BMP8A: variants seen among roughly 807,000 people sequenced by gnomAD.
BMP8A encodes the protein bone morphogenetic protein 8a.
BMP8A carries 14 observed loss-of-function variants against 36.8 expected under a neutral mutation model. The ratio of observed to expected loss-of-function variants is 0.38; its 90% CI spans 0.25 to 0.60. BMP8A has a LOEUF of 0.60. BMP8A is among the 20% of genes least tolerant of loss of function. BMP8A has a pLI of 0.63. For missense variants in BMP8A, 267 were observed against 551.1 expected, an observed-to-expected ratio of 0.48 and a Z score of 5.16; for synonymous variants, 120 against 237.7, an observed-to-expected ratio of 0.50 and a Z score of 4.55.
chr1:39,509,885 G>C (rs1557690252), intron 1 of BMP8A, among the ~76,000 whole-genome samples: 1 of 152,238 alleles, frequency 6.6e-6, no homozygotes, highest in South Asian at 2.1e-4. Context: ...TGAAAGGGAC[G>C]GGAGGCTAAA....
rs569070606 is a variant in BMP8A, at chr1:39,529,506, C to A, written c.*3708C>A. ...CCCTCATGGGCAGCTGAAGGGGGAG[C>A]TTTCTACCCCAGGTTCCTTTCCTTA... On this transcript the variant is annotated 3_prime_UTR_variant, in exon 7 of 7. Coordinates refer to ENST00000331593, the MANE Select transcript of BMP8A (RefSeq NM_181809.4). 1.3e-5 allele frequency among the ~76,000 whole-genome samples: 2 copies of A among 152,342 alleles called. No homozygotes were observed. The highest frequency in any genetic ancestry group is 4.8e-5 in the African/African-American group (2 of 41,586).
intron 1 of BMP8A, among the ~76,000 whole-genome samples, chr1:39,509,569 C>G (rs941280): frequency 0.82 from 124,545 of 152,090 alleles, 51,193 homozygotes; most frequent in East Asian, 0.99. Flanking sequence ...TCCGCCCTGG[C>G]CTGGGATGAG....
chr1:39,524,784 G>A lies in BMP8A; in HGVS notation c.1060-865G>A, dbSNP rs61249850. On this transcript the variant is annotated intron_variant, in intron 6 of 6. Transcript: ENST00000331593. This position sits in a 1 kb window ranked among gnomAD's most constrained non-coding sequence, Gnocchi z 4.0. ...TTCTGGCTTGGGGAGGCTGATGGTC[G>A]CGGGAGTGGAAGGCAGAGGAGCAGG... 0.099 allele frequency: 15,101 copies of A among 152,616 alleles called. 880 individuals carry two copies. The highest frequency in any genetic ancestry group is 0.16 in the African/African-American group (6,444 of 41,484). 9.5% of individuals were successfully genotyped at this position (152,616 alleles called of 1,614,324 possible). A position where few individuals can be genotyped will look rare whatever the true frequency, so the allele number is the denominator to read the frequency against.
intron 1 of BMP8A, among the ~76,000 whole-genome samples, chr1:39,505,100 T>C (rs1266054368): frequency 1.3e-5 from 2 of 152,178 alleles, no homozygotes; most frequent in Non-Finnish European, 1.5e-5. Context: ...GACAGATGCC[T>C]TCCTCTTATC....
At chr1:39,501,387 G>A (rs1375031893) in intron 1 of BMP8A, among the ~76,000 whole-genome samples, 3 of 151,976 alleles carry the variant, frequency 2.0e-5, no homozygotes, top group Admixed American at 6.6e-5. Flanking sequence ...CTTTTTTTGA[G>A]ACGGAGTCTC....
chr1:39,522,594 T>C, intron 5 of BMP8A, 112 bp downstream of exon 5: 1 of 1,303,196 alleles, frequency 7.7e-7, no homozygotes, highest in East Asian at 2.5e-5. Flanking sequence ...TATGTATTTT[T>C]TTCTTCTGTG....
At position 39,499,996 on chromosome 1, in the gene BMP8A, T is replaced by C. The variant is rs1340345145; in HGVS notation, c.334+7671T>C. The stretch of plus-strand genomic sequence containing the variant: ...TTCTTCCCAAGTCACAGGGCTTCTT[T>C]GAATCACTGTGCTGAGTTCTTGGAG... On this transcript the variant is annotated intron_variant, in intron 1 of 6. Coordinates refer to ENST00000331593, the MANE Select transcript of BMP8A (RefSeq NM_181809.4). Among the ~76,000 whole-genome samples, 4 of 152,354 alleles carry C rather than the reference T, an allele frequency of 2.6e-5. No individual in the cohort carries two copies. The East Asian group carries it at 7.7e-4, about 29-fold the overall frequency.
chr1:39,505,153 C>T (rs895844556), intron 1 of BMP8A, among the ~76,000 whole-genome samples: 4 of 152,190 alleles, frequency 2.6e-5, no homozygotes, highest in Non-Finnish European at 4.4e-5. Flanking sequence ...TCCTCCTCAG[C>T]ACAGACCCTT....
At chr1:39,496,042 G>A (rs1475434913) in intron 1 of BMP8A, among the ~76,000 whole-genome samples, 2 of 152,076 alleles carry the variant, frequency 1.3e-5, no homozygotes, top group East Asian at 1.9e-4. Context: ...GTGGGAATTC[G>A]GGACCTGGCC....
intron 1 of BMP8A, among the ~76,000 whole-genome samples, chr1:39,492,808 G>A (rs1645172916): frequency 6.6e-6 from 1 of 152,224 alleles, no homozygotes; most frequent in African/African-American, 2.4e-5. Context: ...CCTGTGCGGA[G>A]CCTGGGTGGG....
chr1:39,510,901 G>C (rs1389213386), intron 1 of BMP8A, among the ~76,000 whole-genome samples: 1 of 152,194 alleles, frequency 6.6e-6, no homozygotes, highest in South Asian at 2.1e-4. Flanking sequence ...GGGCGCAACG[G>C]GAGTTCAGGA....
Position 39,491,785 on chromosome 1 carries a change from TGCGTCCGCGTCA to T in BMP8A, c.-198_-187del, listed in dbSNP as rs1340995702. 7 of 245,236 alleles carry T rather than the reference TGCGTCCGCGTCA, an allele frequency of 2.9e-5. No individual in the cohort carries two copies. The highest frequency in any genetic ancestry group is 4.7e-5 in the Non-Finnish European group (7 of 147,616). The allele number at this position is 245,236 out of a possible 1,614,324, so 15.2% of individuals were successfully genotyped here. A position where few individuals can be genotyped will look rare whatever the true frequency, so the allele number is the denominator to read the frequency against. On this transcript the variant is annotated 5_prime_UTR_variant, in exon 1 of 7. Transcript: ENST00000331593. ...GCCCCGGCCTCGAAGCGTTGGCGTC[TGCGTCCGCGTCA>T]GCGTCCGCTTGTCCCGGAGCCGGGG...
At chr1:39,522,956 G>C in intron 5 of BMP8A, 51 bp from the exon 6 acceptor site, 1 of 1,499,564 alleles carries the variant, frequency 6.7e-7, no homozygotes, top group Non-Finnish European at 9.1e-7. Context: ...TGGGCCCTGA[G>C]GCTCAGGGAG....
chr1:39,510,203 A>C (rs1231588218), intron 1 of BMP8A, among the ~76,000 whole-genome samples: 1 of 127,336 alleles, frequency 7.9e-6, no homozygotes, highest in Non-Finnish European at 1.7e-5. Flanking sequence ...AGCAGAGCTC[A>C]TGTGCCGTCC....
In BMP8A at chr1:39,526,492, C is replaced by A. The variant is rs1045617057; in HGVS notation, c.*694C>A. On this transcript the variant is annotated 3_prime_UTR_variant, in exon 7 of 7. Coordinates refer to ENST00000331593, the MANE Select transcript of BMP8A (RefSeq NM_181809.4). Reference sequence around the variant, plus strand: ...TAGCTGGGATTACAGGGGCCCACCACCACGCCCAGCTCATTCTTGTATTTT... The same window carrying A: ...TAGCTGGGATTACAGGGGCCCACCAACACGCCCAGCTCATTCTTGTATTTT... Among the ~76,000 whole-genome samples the A allele has an allele frequency of 6.6e-6, 1 of 152,152 alleles. No individual in the cohort carries two copies. Among genetic ancestry groups the A allele is most frequent in the Non-Finnish European group, 1.5e-5 (1 of 68,026 alleles).
At chr1:39,500,381 G>A (rs1645242856) in intron 1 of BMP8A, among the ~76,000 whole-genome samples, 1 of 152,202 alleles carries the variant, frequency 6.6e-6, no homozygotes, top group African/African-American at 2.4e-5. Context: ...AATGGGGAGG[G>A]GAAGGGAGTG....
At chr1:39,505,724 G>A (rs1343785603) in intron 1 of BMP8A, among the ~76,000 whole-genome samples, 1 of 152,178 alleles carries the variant, frequency 6.6e-6, no homozygotes, top group African/African-American at 2.4e-5. Flanking sequence ...GCTCATGCCT[G>A]TAATCTCAGC....
At position 39,523,525 on chromosome 1, in the gene BMP8A, CGCACAGTGTGTGGGGTGTGCGTGT is replaced by C; in HGVS notation, c.1059+413_1059+436del. On this transcript the variant is annotated intron_variant, in intron 6 of 6. Transcript: ENST00000331593. The stretch of plus-strand genomic sequence containing the variant: ...CAAGTCTGACCGCCTGTGATATGTG[CGCACAGTGTGTGGGGTGTGCGTGT>C]GCACTCACCCACCTGTGCCGCACCA... 5 of 1,369,698 alleles carry C rather than the reference CGCACAGTGTGTGGGGTGTGCGTGT, an allele frequency of 3.7e-6. No individual in the cohort carries two copies. The South Asian group carries it at 8.9e-5, about 25-fold the overall frequency. 84.8% of individuals were successfully genotyped at this position (1,369,698 alleles called of 1,614,324 possible).
In BMP8A at chr1:39,526,775, C is replaced by T. The variant is rs889564766; in HGVS notation, c.*977C>T. Among the ~76,000 whole-genome samples the T allele has an allele frequency of 3.3e-5, 5 of 152,232 alleles. No individual in the cohort carries two copies. The highest frequency in any genetic ancestry group is 2.6e-4 in the Admixed American group (4 of 15,292). ...CCCTCCACCATCTCTACCATGCTGA[C>T]CCATTTGGGGCTCAGCACTGAGACA... is the stretch of plus-strand genomic sequence containing the variant. On this transcript the variant is annotated 3_prime_UTR_variant, in exon 7 of 7. Transcript: ENST00000331593.
Sources: allele counts gnomAD v4.1 joint callset (sites outside exome capture counted in the v4.1 genomes callset), GRCh38; gene constraint gnomAD v4.1.1; non-coding constraint Gnocchi (gnomAD v3.1); transcripts MANE v1.5; gene names NCBI Gene and HGNC (gene_info 2026-07-23, HGNC 2026-07-21).